Variants in CHD9 observed in about 807,000 individuals in gnomAD.
CHD9 encodes the protein ATP-dependent chromatin remodeler CHD9.
CHD9 carries 77 observed loss-of-function variants against 316.1 expected under a neutral mutation model. The ratio of observed to expected loss-of-function variants is 0.24; its 90% CI spans 0.20 to 0.29. The LOEUF is 0.29. CHD9 is among the 10% of genes least tolerant of loss of function. The probability of loss-of-function intolerance (pLI) is 1.00; values close to 1 mark genes in which losing one functional copy is unlikely to be tolerated. For missense variants in CHD9, 2,763 were observed against 3,438.1 expected, an observed-to-expected ratio of 0.80 and a Z score of 4.91; for synonymous variants, 1,129 against 1,158.3, an observed-to-expected ratio of 0.97 and a Z score of 0.51.
intron 2 of CHD9, chr16:53,208,002 C>G (rs1326538835): frequency 2.0e-6 from 2 of 992,156 alleles, no homozygotes; most frequent in Non-Finnish European, 2.4e-6. Context: ...CATGCTGATG[C>G]ATTTTGATGC....
At chr16:53,173,658 C>T (rs1294993725) in intron 2 of CHD9, among the ~76,000 whole-genome samples, 1 of 152,062 alleles carries the variant, frequency 6.6e-6, no homozygotes, top group Admixed American at 6.6e-5. Flanking sequence ...CATTCTCCTG[C>T]CTCAGCCTCC....
intron 24 of CHD9, among the ~76,000 whole-genome samples, chr16:53,275,895 C>A (rs780492129): frequency 1.2e-4 from 18 of 152,242 alleles, no homozygotes; most frequent in Non-Finnish European, 1.6e-4. Flanking sequence ...TATATAGTTA[C>A]CTCTTTTTCT....
At chr16:53,100,525 C>CAT (rs2036774081) in intron 1 of CHD9, among the ~76,000 whole-genome samples, 1 of 144,244 alleles carries the variant, frequency 6.9e-6, no homozygotes, top group Admixed American at 7.3e-5. Context: ...AGTGGCTGAT[C>CAT]ATAGCTCAGT....
At chr16:53,305,092 C>T (rs140690408) in intron 31 of CHD9, among the ~76,000 whole-genome samples, 20,655 of 149,828 alleles carry the variant, frequency 0.14, 2,024 homozygotes, top group Non-Finnish European at 0.21. Flanking sequence ...AACGGAGTCT[C>T]GCTCTGTCGC....
intron 1 of CHD9, among the ~76,000 whole-genome samples, chr16:53,059,876 G>T (rs2032647368): frequency 1.3e-5 from 2 of 152,200 alleles, no homozygotes; most frequent in Non-Finnish European, 2.9e-5. Flanking sequence ...GTCGTTTCTT[G>T]TAATGTTGAT....
At chr16:53,066,973 T>G (rs11649238) in intron 1 of CHD9, among the ~76,000 whole-genome samples, 41,882 of 152,216 alleles carry the variant, frequency 0.28, 7,272 homozygotes, top group Non-Finnish European at 0.39. Context: ...AGACAAGGTC[T>G]CTCTCTGTCA....
At chr16:53,127,940 CAA>C (rs35806274) in intron 1 of CHD9, among the ~76,000 whole-genome samples, 17 of 78,216 alleles carry the variant, frequency 2.2e-4, no homozygotes, top group African/African-American at 7.7e-4. Context: ...GAGACTCTGT[CAA>C]AAAAAAAAAA....
At chr16:53,263,742 A>G (rs1044784328) in intron 20 of CHD9, among the ~76,000 whole-genome samples, 2 of 152,128 alleles carry the variant, frequency 1.3e-5, no homozygotes, top group African/African-American at 4.8e-5. Context: ...AAAGCTTTAC[A>G]ATTAGGAGTA....
At chr16:53,244,728 CA>C (rs2049419152) in intron 13 of CHD9, among the ~76,000 whole-genome samples, 1 of 152,046 alleles carries the variant, frequency 6.6e-6, no homozygotes, top group Non-Finnish European at 1.5e-5. Flanking sequence ...GCACGAATAG[CA>C]TACAAAGTGA....
chr16:53,232,413 G>A (rs752642371), intron 10 of CHD9, among the ~76,000 whole-genome samples: 4 of 152,122 alleles, frequency 2.6e-5, no homozygotes, highest in Non-Finnish European at 5.9e-5. Flanking sequence ...AATTAGAGAT[G>A]CCTTAGATAT....
intron 29 of CHD9, among the ~76,000 whole-genome samples, chr16:53,294,509 T>G (rs1567637562): frequency 6.6e-6 from 1 of 152,204 alleles, no homozygotes; most frequent in South Asian, 2.1e-4. Context: ...CTGCTTTGTA[T>G]GCTGTTGGCT....
intron 30 of CHD9, chr16:53,299,688 A>G: frequency 3.0e-6 from 1 of 329,558 alleles, no homozygotes; most frequent in Non-Finnish European, 5.8e-6. Context: ...GTTCCTGAGG[A>G]AACTCCTTTT....
intron 2 of CHD9, among the ~76,000 whole-genome samples, chr16:53,201,023 A>G (rs1315062682): frequency 2.0e-5 from 3 of 152,154 alleles, no homozygotes; most frequent in Non-Finnish European, 4.4e-5. Context: ...TATTATCTAC[A>G]TTTTTACAGT....
chr16:53,215,824 A>AT (rs1387459173), intron 3 of CHD9, among the ~76,000 whole-genome samples: 7 of 152,212 alleles, frequency 4.6e-5, no homozygotes, highest in Non-Finnish European at 5.9e-5. Context: ...AAATAAGTGC[A>AT]TAAATTACAT....
chr16:53,245,512 G>A lies in CHD9; in HGVS notation c.3198+33G>A, dbSNP rs370918764. 14 of 1,550,834 alleles carry A rather than the reference G, an allele frequency of 9.0e-6. No individual in the cohort carries two copies. Among genetic ancestry groups the A allele is most frequent in the South Asian group, 2.5e-5 (2 of 80,688 alleles). ...ATTGCTCTTTGTAAATACATTCATC[G>A]CATTTCTAATCATTGTAATTATTTT... On this transcript the variant is annotated intron_variant, in intron 14 of 38. Transcript: ENST00000447540. The surrounding 1 kb of genome is among the most constrained non-coding windows in gnomAD (Gnocchi z 4.1).
chr16:53,228,743 A>G (rs2047900053), intron 7 of CHD9, among the ~76,000 whole-genome samples: 5 of 152,122 alleles, frequency 3.3e-5, no homozygotes. Flanking sequence ...TAGACTTTTG[A>G]TCATTTTACT....
intron 31 of CHD9, among the ~76,000 whole-genome samples, chr16:53,304,883 G>A (rs1487892833): frequency 2.0e-5 from 3 of 149,700 alleles, no homozygotes; most frequent in Non-Finnish European, 3.0e-5. Context: ...TAGTAGAGAC[G>A]GGGTTTCTCC....
At chr16:53,227,234 T>C in intron 5 of CHD9, 162 bp from the exon 6 acceptor site, 1 of 525,234 alleles carries the variant, frequency 1.9e-6, no homozygotes, top group Non-Finnish European at 3.4e-6. Flanking sequence ...ATGACAATGA[T>C]ATATTTTTTT....
intron 22 of CHD9, among the ~76,000 whole-genome samples, chr16:53,269,584 TTTAA>T (rs1389830891): frequency 6.6e-6 from 1 of 152,160 alleles, no homozygotes; most frequent in East Asian, 1.9e-4. Context: ...AGACAGTGAG[TTTAA>T]TTAATGTGAA....
Sources: allele counts gnomAD v4.1 joint callset (sites outside exome capture counted in the v4.1 genomes callset), GRCh38; gene constraint gnomAD v4.1.1; non-coding constraint Gnocchi (gnomAD v3.1); transcripts MANE v1.5; gene names NCBI Gene and HGNC (gene_info 2026-07-23, HGNC 2026-07-21).